The following ZNF326 variants were observed in gnomAD, a reference collection of about 807,000 sequenced individuals.
The protein encoded by ZNF326 is DBIRD complex subunit ZNF326.
In ZNF326, 30 loss-of-function variants were observed where a neutral mutation model predicts 63.1. That is an observed-to-expected ratio of 0.48 (90% CI 0.36 to 0.64). The LOEUF is 0.64. Ranked by LOEUF, ZNF326 falls within the 30% of genes least tolerant of loss-of-function variation. The probability of loss-of-function intolerance (pLI) is 0.00; values close to 1 mark genes in which losing one functional copy is unlikely to be tolerated. For synonymous variants in ZNF326, 194 were observed against 228.2 expected, an observed-to-expected ratio of 0.85 and a Z score of 1.35; for missense variants, 609 against 720.3, an observed-to-expected ratio of 0.85 and a Z score of 1.77.
chr1:90,008,020 G>C (rs1304902793), intron 5 of ZNF326, among the ~76,000 whole-genome samples: 1 of 152,190 alleles, frequency 6.6e-6, no homozygotes, highest in African/African-American at 2.4e-5. Context: ...GGGTTAAAAG[G>C]AGTTGCATTT....
intron 6 of ZNF326, among the ~76,000 whole-genome samples, chr1:90,010,604 G>T (rs1033718426): frequency 6.6e-6 from 1 of 152,046 alleles, no homozygotes. Flanking sequence ...GAATGGTAAT[G>T]CCAGTATTTA....
At chr1:90,016,872 T>C (rs1458768943) in intron 7 of ZNF326, among the ~76,000 whole-genome samples, 1 of 152,214 alleles carries the variant, frequency 6.6e-6, no homozygotes, top group Non-Finnish European at 1.5e-5. Flanking sequence ...AAGACTTTTA[T>C]CACCCAAGAA....
intron 7 of ZNF326, among the ~76,000 whole-genome samples, chr1:90,015,671 G>T (rs1649469449): frequency 1.3e-5 from 2 of 152,090 alleles, no homozygotes; most frequent in Non-Finnish European, 2.9e-5. Flanking sequence ...AACAGAGCAA[G>T]ACTCTGTCTC....
At chr1:90,004,342 C>A (rs1400781139) in intron 2 of ZNF326, among the ~76,000 whole-genome samples, 2 of 152,142 alleles carry the variant, frequency 1.3e-5, no homozygotes, top group African/African-American at 4.8e-5. Flanking sequence ...GGAAATGTGG[C>A]TGCTTCTGAG....
At position 90,034,823 on chromosome 1, in the gene ZNF326, A is replaced by C. The variant is rs1016189356; in HGVS notation, c.*7122A>C. 6.6e-6 allele frequency: 1 copy of C among 152,156 alleles called. No individual in the cohort carries two copies. The highest frequency in any genetic ancestry group is 2.4e-5 in the African/African-American group (1 of 41,436). The allele number at this position is 152,156 out of a possible 1,614,324, so 9.4% of individuals were successfully genotyped here. On this transcript the variant is annotated 3_prime_UTR_variant, in exon 12 of 12. Coordinates refer to ENST00000340281, the MANE Select transcript of ZNF326 (RefSeq NM_182976.4). Reference sequence around the variant, plus strand: ...AATTGTTCATCAAAGATAGCTATAGACCAGTCTCACTTACGAACAAATGTA... The same window carrying C: ...AATTGTTCATCAAAGATAGCTATAGCCCAGTCTCACTTACGAACAAATGTA...
At chr1:90,016,854 T>C (rs1304109379) in intron 7 of ZNF326, among the ~76,000 whole-genome samples, 1 of 152,244 alleles carries the variant, frequency 6.6e-6, no homozygotes, top group Admixed American at 6.5e-5. Flanking sequence ...AAGTAGTCTT[T>C]AGAAGGCAAG....
intron 7 of ZNF326, 45 bp from the exon 8 acceptor site, chr1:90,017,272 T>C (rs1349484141): frequency 7.4e-7 from 1 of 1,349,302 alleles, no homozygotes; most frequent in Admixed American, 2.5e-5. Context: ...CTCTTTATAG[T>C]TGAATAAAGT....
At chr1:90,011,592 C>T (rs573615229) in intron 6 of ZNF326, among the ~76,000 whole-genome samples, 1 of 147,222 alleles carries the variant, frequency 6.8e-6, no homozygotes, top group Non-Finnish European at 1.5e-5. Context: ...TGAGTTACCA[C>T]TCCATACCCA....
rs1046070938 is a variant in ZNF326, at chr1:89,995,165, G to C, written c.-93G>C. 2.1e-6 allele frequency: 3 copies of C among 1,444,196 alleles called. No homozygotes were observed. The highest frequency in any genetic ancestry group is 2.8e-6 in the Non-Finnish European group (3 of 1,076,450). The allele number at this position is 1,444,196 out of a possible 1,614,324, so 89.5% of individuals were successfully genotyped here. A position where few individuals can be genotyped will look rare whatever the true frequency, so the allele number is the denominator to read the frequency against. On this transcript the variant is annotated 5_prime_UTR_variant, in exon 1 of 12. Coordinates refer to ENST00000340281, the MANE Select transcript of ZNF326 (RefSeq NM_182976.4). ...GGTAGCGCGCCGCTCTCGGTCGCGC[G>C]GAGTGATCGTGTGGAATCGCGGGTC...
chr1:90,004,775 T>C (rs1198211852), intron 2 of ZNF326, among the ~76,000 whole-genome samples: 1 of 150,902 alleles, frequency 6.6e-6, no homozygotes, highest in Non-Finnish European at 1.5e-5. Flanking sequence ...GTTGAAAATA[T>C]GTTTTTCTTT....
At chr1:90,015,718 G>A (rs1557524738) in intron 7 of ZNF326, among the ~76,000 whole-genome samples, 1 of 152,032 alleles carries the variant, frequency 6.6e-6, no homozygotes, top group East Asian at 1.9e-4. Context: ...GAAATCAGGG[G>A]AGGCTGCAAT....
intron 6 of ZNF326, among the ~76,000 whole-genome samples, chr1:90,012,155 A>G (rs1407289093): frequency 4.6e-5 from 7 of 152,198 alleles, no homozygotes; most frequent in Non-Finnish European, 7.3e-5. Flanking sequence ...TTATATATGA[A>G]TGTTTATAGT....
At chr1:90,026,898 T>C (rs765061610) in intron 11 of ZNF326, among the ~76,000 whole-genome samples, 22 of 152,222 alleles carry the variant, frequency 1.4e-4, no homozygotes, top group Non-Finnish European at 2.8e-4. Flanking sequence ...TTTTTAAAAG[T>C]AGAAGTAAGG....
intron 5 of ZNF326, among the ~76,000 whole-genome samples, chr1:90,009,171 A>G (rs1016837342): frequency 8.5e-5 from 13 of 152,136 alleles, no homozygotes; most frequent in Non-Finnish European, 1.8e-4. Context: ...TGTATTTACC[A>G]TTCTAGTCTG....
chr1:90,014,665 C>T (rs959128320), intron 7 of ZNF326, among the ~76,000 whole-genome samples: 10 of 152,082 alleles, frequency 6.6e-5, no homozygotes, highest in African/African-American at 2.2e-4. Flanking sequence ...GCCTGGGCAA[C>T]GTGGCAAGAC....
chr1:90,000,714 T>C (rs1648635325), intron 2 of ZNF326, among the ~76,000 whole-genome samples: 1 of 152,098 alleles, frequency 6.6e-6, no homozygotes, highest in African/African-American at 2.4e-5. Context: ...CTGGCTTGAC[T>C]AGAACAGATG....
At position 90,035,057 on chromosome 1, in the gene ZNF326, AT is replaced by A. The variant is rs1199874838; in HGVS notation, c.*7359del. Reference sequence around the variant, plus strand: ...TTTCCTAAGATTGAACACATTCCAGATTTAAATTTTTCAGGCTGAGAATAGA... The same window carrying A: ...TTTCCTAAGATTGAACACATTCCAGATTAAATTTTTCAGGCTGAGAATAGA... On this transcript the variant is annotated 3_prime_UTR_variant, in exon 12 of 12. Coordinates refer to ENST00000340281, the MANE Select transcript of ZNF326 (RefSeq NM_182976.4). 6.6e-6 allele frequency: 1 copy of A among 152,214 alleles called. No homozygotes were observed. Among genetic ancestry groups the A allele is most frequent in the Non-Finnish European group, 1.5e-5 (1 of 68,012 alleles). The allele number at this position is 152,214 out of a possible 1,614,324, so 9.4% of individuals were successfully genotyped here.
chr1:90,020,660 CATAAACCTATGCACTCTG>C (rs1233000205), intron 9 of ZNF326, 114 bp from the exon 10 acceptor site: 1 of 783,744 alleles, frequency 1.3e-6, no homozygotes, highest in Non-Finnish European at 2.0e-6. Context: ...AAATACTCAG[CATAAACCTATGCACTCTG>C]ATCTTTATTT....
Position 90,027,826 on chromosome 1 carries a change from G to T in ZNF326, c.*125G>T. The T allele has an allele frequency of 1.2e-6, 1 of 861,508 alleles. No individual in the cohort carries two copies. Among genetic ancestry groups the T allele is most frequent in the Non-Finnish European group, 1.7e-6 (1 of 576,430 alleles). The allele number at this position is 861,508 out of a possible 1,614,324, so 53.4% of individuals were successfully genotyped here. A position where few individuals can be genotyped will look rare whatever the true frequency, so the allele number is the denominator to read the frequency against. The stretch of plus-strand genomic sequence containing the variant: ...GCATGCATTCCACATATTAAAATTT[G>T]TTTTATATAATTTCTAAATGTTTAA... On this transcript the variant is annotated 3_prime_UTR_variant, in exon 12 of 12. Coordinates refer to ENST00000340281, the MANE Select transcript of ZNF326 (RefSeq NM_182976.4).
Sources: gnomAD v4.1 joint callset for allele counts (sites outside exome capture counted in the v4.1 genomes callset) on GRCh38, gnomAD v4.1.1 for gene constraint, MANE v1.5 for transcripts, NCBI Gene and HGNC (gene_info 2026-07-23, HGNC 2026-07-21) for gene names.